Variants in UTP25 observed in about 807,000 individuals in gnomAD.
UTP25 encodes the protein U3 small nucleolar RNA-associated protein 25 homolog.
Under a neutral mutation model 78.9 loss-of-function variants are expected in UTP25, and 50 were observed. The observed-to-expected ratio is 0.63, with a 90% CI of 0.50 to 0.80. UTP25 has a LOEUF of 0.80. Ranked by LOEUF, UTP25 falls within the 30% of genes least tolerant of loss-of-function variation. The probability of loss-of-function intolerance (pLI) is 0.00; values close to 1 mark genes in which losing one functional copy is unlikely to be tolerated. For missense variants in UTP25, 846 were observed against 911.3 expected (o/e 0.93, Z 0.92); for synonymous variants, 329 against 336.5 (o/e 0.98, Z 0.24).
At chr1:209,829,225 T>A (rs1320014992) in intron 1 of UTP25, among the ~76,000 whole-genome samples, 1 of 152,226 alleles carries the variant, frequency 6.6e-6, no homozygotes, top group East Asian at 1.9e-4. Flanking sequence ...ATTCTTTGCG[T>A]TGGGAACATT....
rs139880964 is a variant in UTP25 at position 209,851,951 on chromosome 1, C to T, written c.*504C>T. ...CTGCCCCAGCCAAACTTTTTTGAAA[C>T]CTTAAATAGTCTACCTTAATTCAGC... On this transcript the variant is annotated 3_prime_UTR_variant, in exon 12 of 12. Coordinates refer to ENST00000491415, the MANE Select transcript of UTP25 (RefSeq NM_014388.7). 548 of 153,880 alleles carry T rather than the reference C, an allele frequency of 3.6e-3. 4 individuals are homozygous for T. The highest frequency in any genetic ancestry group is 6.8e-3 in the Middle Eastern group (2 of 294). The allele number at this position is 153,880 out of a possible 1,614,324, so 9.5% of individuals were successfully genotyped here.
intron 5 of UTP25, among the ~76,000 whole-genome samples, chr1:209,836,544 T>G (rs1052770002): frequency 2.0e-5 from 3 of 152,216 alleles, no homozygotes; most frequent in African/African-American, 7.2e-5. Context: ...GAGCTCAGAT[T>G]TGAAGTCAGA....
chr1:209,831,683 A>C (rs371608246), intron 3 of UTP25, among the ~76,000 whole-genome samples: 11 of 152,318 alleles, frequency 7.2e-5, no homozygotes, highest in Middle Eastern at 3.4e-3. Context: ...GAACATTTCC[A>C]TTACCTCCAA....
chr1:209,838,835 T>G (rs2078149366), intron 6 of UTP25, 74 bp from the exon 7 acceptor site: 1 of 1,519,174 alleles, frequency 6.6e-7, no homozygotes, highest in Non-Finnish European at 9.1e-7. Flanking sequence ...TTAGCTCCAC[T>G]TCCTCAGCAG....
At chr1:209,829,743 C>A (rs982059755) in intron 1 of UTP25, among the ~76,000 whole-genome samples, 1 of 152,124 alleles carries the variant, frequency 6.6e-6, no homozygotes, top group African/African-American at 2.4e-5. Context: ...ACCTTGGCCT[C>A]CTAAAGTGCT....
Position 209,836,883 on chromosome 1 carries a change from A to G in UTP25, c.734A>G (p.Lys245Arg). ...TFKPPKDIDLKSLHLQKPLES... is the reference protein window; with the variant it reads ...TFKPPKDIDLRSLHLQKPLES... ...AAACCCCCAAAGGATATTGACTTAA[A>G]GTCACTTCATCTCCAGAAGCCTCTG... The change falls in exon 6 of 12, where the codon AAG (lysine) becomes AGG (arginine). Residue 245 changes from lysine to arginine, a missense_variant. Lys to Arg is a conservative substitution (Grantham distance 26). Coordinates refer to ENST00000491415, the MANE Select transcript of UTP25 (RefSeq NM_014388.7). 6.2e-7 allele frequency: 1 copy of G among 1,614,150 alleles called. No homozygotes were observed.
intron 11 of UTP25, among the ~76,000 whole-genome samples, chr1:209,848,696 C>T (rs988826301): frequency 1.3e-5 from 2 of 152,160 alleles, no homozygotes; most frequent in African/African-American, 4.8e-5. Flanking sequence ...AATTTATGCT[C>T]CATTCACCTA....
chr1:209,829,909 C>T (rs925031000), intron 1 of UTP25, among the ~76,000 whole-genome samples, 199 bp from the exon 2 acceptor site: 6 of 152,172 alleles, frequency 3.9e-5, no homozygotes, highest in African/African-American at 1.4e-4. Flanking sequence ...GTCATGTGAC[C>T]TCCTTAAACT....
chr1:209,845,677 A>C (rs1485614060), intron 11 of UTP25, among the ~76,000 whole-genome samples: 2 of 152,202 alleles, frequency 1.3e-5, no homozygotes, highest in Admixed American at 1.3e-4. Flanking sequence ...CTTTTGTAGA[A>C]GATGAATGAA....
chr1:209,851,101 C>T, intron 11 of UTP25, 103 bp from the exon 12 acceptor site: 1 of 1,304,218 alleles, frequency 7.7e-7, no homozygotes. Context: ...TCTCCATTAG[C>T]AGGAAGCAAC....
intron 1 of UTP25, among the ~76,000 whole-genome samples, chr1:209,829,356 A>G (rs1018159902): frequency 6.6e-6 from 1 of 152,246 alleles, no homozygotes; most frequent in Non-Finnish European, 1.5e-5. Flanking sequence ...CAATTACGAT[A>G]AGGAACTAAG....
intron 11 of UTP25, among the ~76,000 whole-genome samples, chr1:209,845,191 A>C (rs778669826): frequency 6.6e-6 from 1 of 152,182 alleles, no homozygotes; most frequent in Non-Finnish European, 1.5e-5. Flanking sequence ...AGAGTTGAGG[A>C]TTGATTAAAT....
chr1:209,830,140 G>C lies in UTP25; in HGVS notation c.140G>C (p.Cys47Ser), dbSNP rs549281732. 27 of 1,611,576 alleles carry C rather than the reference G, an allele frequency of 1.7e-5. No individual in the cohort carries two copies. In the East Asian group the frequency reaches 6.0e-4, roughly 36 times the overall value. ...VSRKEAKPQI[C>S]QLSESSDSSD... The stretch of plus-strand genomic sequence containing the variant: ...AGAAAGGAAGCAAAGCCACAGATTT[G>C]TCAACTGGTAATGCTTTCTACCTTC... Residue 47 changes from cysteine (C) to serine (S), a missense_variant, in exon 2 of 12, where the codon TGT becomes TCT. Transcript: ENST00000491415.
intron 5 of UTP25, 56 bp from the exon 6 acceptor site, chr1:209,836,745 A>C: frequency 6.6e-7 from 1 of 1,523,300 alleles, no homozygotes; most frequent in Non-Finnish European, 8.8e-7. Context: ...GTACTATGTG[A>C]ATGTAATTTA....
chr1:209,846,690 A>G (rs2078198602), intron 11 of UTP25, among the ~76,000 whole-genome samples: 1 of 152,216 alleles, frequency 6.6e-6, no homozygotes, highest in African/African-American at 2.4e-5. Flanking sequence ...AGCATATATA[A>G]GGGAGGAGGA....
chr1:209,829,172 G>T (rs144116421), intron 1 of UTP25, among the ~76,000 whole-genome samples: 20 of 152,332 alleles, frequency 1.3e-4, no homozygotes, highest in Middle Eastern at 3.4e-3. Flanking sequence ...AATGTGTAAT[G>T]ATCAAATCCG....
rs761935904 is a variant in UTP25, at chr1:209,843,478, G to A, written c.1809G>A (p.Leu603=). The A allele has an allele frequency of 1.1e-5, 17 of 1,613,994 alleles. No homozygotes were observed. The South Asian group carries it at 1.6e-4, about 16-fold the overall frequency. Residue 603 remains leucine (L), a synonymous_variant, in exon 11 of 12, where the codon TTG becomes TTA. Coordinates refer to ENST00000491415, the MANE Select transcript of UTP25 (RefSeq NM_014388.7). ...TTAACTTTTTTGTGAACAAGATTTT[G>A]CCACAGTATCGTGATGCAGTCATGT... ...ARFNFFVNKI[L]PQYRDAVMSH... is the part of the protein sequence containing the mutation.
chr1:209,829,475 T>A (rs2078090564), intron 1 of UTP25, among the ~76,000 whole-genome samples: 1 of 149,530 alleles, frequency 6.7e-6, no homozygotes. Context: ...ATTCTTTTTT[T>A]CTTTTCTTTT....
intron 7 of UTP25, among the ~76,000 whole-genome samples, chr1:209,839,487 A>G (rs188915375): frequency 2.3e-4 from 35 of 152,334 alleles, no homozygotes; most frequent in Admixed American, 2.0e-3. Context: ...TGATGGGGTC[A>G]TTCTGGGGAG....
Sources: allele counts gnomAD v4.1 joint callset (sites outside exome capture counted in the v4.1 genomes callset), GRCh38; gene constraint gnomAD v4.1.1; transcripts MANE v1.5; gene names NCBI Gene and HGNC (gene_info 2026-07-23, HGNC 2026-07-21).